Variants in CUL2 observed in about 807,000 individuals in gnomAD.
CUL2 encodes cullin-2.
In CUL2, 22 loss-of-function variants were observed where a neutral mutation model predicts 110.2. The ratio of observed to expected loss-of-function variants is 0.20; its 90% confidence interval spans 0.14 to 0.28. CUL2 has a LOEUF of 0.28. CUL2 is among the 10% of genes least tolerant of loss of function. The pLI, the probability that CUL2 is intolerant of heterozygous loss-of-function variation, is 1.00. For synonymous variants in CUL2, 279 were observed against 293.2 expected, an observed-to-expected ratio of 0.95 and a Z score of 0.49; for missense variants, 631 against 905.5, an observed-to-expected ratio of 0.70 and a Z score of 3.89.
At chr10:35,078,456 G>A (rs963954796) in intron 1 of CUL2, among the ~76,000 whole-genome samples, 29 of 151,888 alleles carry the variant, frequency 1.9e-4, no homozygotes, top group African/African-American at 6.0e-4. Flanking sequence ...CCACCACACC[G>A]GTGTAATTTT....
rs1474774584 is a variant in CUL2, at chr10:35,044,596, T to C, written c.684A>G (p.Gln228=). ...YYKQEASNLL[Q]ESNCSQYMEK... is the part of the protein sequence containing the mutation. Reference sequence around the variant, plus strand: ...CCATATACTGTGAGCAGTTTGATTCTTGTAATAAATTTGAAGCTTCTTGTT... The same window carrying C: ...CCATATACTGTGAGCAGTTTGATTCCTGTAATAAATTTGAAGCTTCTTGTT... The change falls in exon 8 of 21, where the codon CAA becomes CAG. Residue 228 remains glutamine, a synonymous_variant. Transcript: ENST00000374749. The C allele has an allele frequency of 1.9e-6, 3 of 1,608,962 alleles. No homozygotes were observed. Among genetic ancestry groups the C allele is most frequent in the Non-Finnish European group, 1.7e-6 (2 of 1,178,400 alleles).
chr10:35,044,309 C>T (rs2134802527), intron 8 of CUL2, among the ~76,000 whole-genome samples: 1 of 152,028 alleles, frequency 6.6e-6, no homozygotes, highest in East Asian at 1.9e-4. Context: ...ATATTAATTT[C>T]AAGGACAAGT....
intron 15 of CUL2, 47 bp downstream of exon 15, chr10:35,029,441 G>A (rs774275322): frequency 3.4e-5 from 42 of 1,241,040 alleles, no homozygotes; most frequent in Admixed American, 8.1e-5. Flanking sequence ...TTGTATCAAC[G>A]TACTGAAATG....
At chr10:35,079,693 T>C (rs529426442) in intron 1 of CUL2, 2 of 154,918 alleles carry the variant, frequency 1.3e-5, no homozygotes, top group African/African-American at 2.4e-5. Context: ...CAGTAGGTCT[T>C]AGCAATCTCA....
intron 1 of CUL2, chr10:35,120,524 T>TCA (rs2087665471): frequency 6.6e-6 from 1 of 152,204 alleles, no homozygotes; most frequent in South Asian, 2.1e-4. Context: ...TAAGAGGTTG[T>TCA]CAATTTATGA....
In CUL2 at chr10:35,096,391, GGCCAGGAGTTCAAGACCA is replaced by G. The variant is rs543026714; in HGVS notation, c.167+4435_167+4452del. ...AGATGGGGATAGAAGGGTTACTTGA[GGCCAGGAGTTCAAGACCA>G]GCCTGGGCAACAGAGCAAAACCCTG... On this transcript the variant is annotated intron_variant, in intron 2 of 5. Transcript: ENST00000685421. Among the ~76,000 whole-genome samples the G allele has an allele frequency of 8.2e-4, 125 of 152,230 alleles. 2 individuals carry two copies. The highest frequency in any genetic ancestry group is 2.8e-3 in the African/African-American group (117 of 41,536).
At chr10:35,032,934 G>C (rs1247016199) in intron 11 of CUL2, among the ~76,000 whole-genome samples, 1 of 152,056 alleles carries the variant, frequency 6.6e-6, no homozygotes, top group African/African-American at 2.4e-5. Flanking sequence ...GAACATATCA[G>C]ATTAAAAATT....
At chr10:35,113,181 CAAAAAAAAAA>C (rs71660665) in intron 1 of CUL2, among the ~76,000 whole-genome samples, 2 of 36,630 alleles carry the variant, frequency 5.5e-5, no homozygotes, top group East Asian at 2.1e-3. Flanking sequence ...GACTCCATCT[CAAAAAAAAAA>C]AAAAAAAAAA....
At chr10:35,047,852 C>G (rs1046014712) in intron 6 of CUL2, among the ~76,000 whole-genome samples, 1 of 151,814 alleles carries the variant, frequency 6.6e-6, no homozygotes, top group Non-Finnish European at 1.5e-5. Flanking sequence ...CTGCAGTGAG[C>G]TGAAATCATG....
intron 2 of CUL2, chr10:35,099,628 T>C (rs887304078): frequency 6.6e-6 from 1 of 151,832 alleles, no homozygotes; most frequent in African/African-American, 2.4e-5. Flanking sequence ...AAATAAAAAT[T>C]AGCTGTGTGT....
chr10:35,047,446 T>TAA (rs757406258), intron 6 of CUL2, among the ~76,000 whole-genome samples: 20 of 134,502 alleles, frequency 1.5e-4, no homozygotes, highest in African/African-American at 5.2e-4. Flanking sequence ...CCGTCTCCAC[T>TAA]AAAAAAAAAA....
chr10:35,058,380 T>C (rs2086296038), intron 4 of CUL2, among the ~76,000 whole-genome samples: 1 of 152,180 alleles, frequency 6.6e-6, no homozygotes, highest in African/African-American at 2.4e-5. Context: ...CATTTCCTGA[T>C]GACTAACCCG....
At chr10:35,056,568 T>A (rs971732410) in intron 4 of CUL2, among the ~76,000 whole-genome samples, 12 of 151,902 alleles carry the variant, frequency 7.9e-5, no homozygotes, top group African/African-American at 2.9e-4. Flanking sequence ...CCATTCAACA[T>A]CGGCTGAGGG....
intron 6 of CUL2, among the ~76,000 whole-genome samples, chr10:35,046,412 A>G (rs1344592378): frequency 1.3e-5 from 2 of 152,240 alleles, no homozygotes; most frequent in South Asian, 2.1e-4. Context: ...ACATCTACAT[A>G]TGTGTACAAC....
At chr10:35,014,163 C>T (rs1353287251) in intron 18 of CUL2, among the ~76,000 whole-genome samples, 1 of 152,150 alleles carries the variant, frequency 6.6e-6, no homozygotes, top group Non-Finnish European at 1.5e-5. Context: ...ACTTTTCCAT[C>T]ACCCCATTTT....
chr10:35,011,895 T>C lies in CUL2; in HGVS notation c.2059A>G (p.Ile687Val). 1 of 1,614,044 alleles carries C rather than the reference T, an allele frequency of 6.2e-7. No individual in the cohort carries two copies. Among genetic ancestry groups the C allele is most frequent in the South Asian group, 1.1e-5 (1 of 91,082 alleles). The change falls in exon 20 of 21, where the codon ATC becomes GTC. Residue 687 changes from isoleucine to valine, a missense_variant. By Grantham distance (29) the Ile-to-Val change is conservative. Coordinates refer to ENST00000374749, the MANE Select transcript of CUL2 (RefSeq NM_003591.4). Reference sequence around the variant, plus strand: ...CGAAGCACTTTTCGTGCTTTCATGATACGAACTATAGCAGCTTGGAGATAC... The same window carrying C: ...CGAAGCACTTTTCGTGCTTTCATGACACGAACTATAGCAGCTTGGAGATAC... ...KMYLQAAIVR[I>V]MKARKVLRHN... is the part of the protein sequence containing the mutation.
chr10:35,115,347 G>T (rs560401661), intron 1 of CUL2, among the ~76,000 whole-genome samples: 3 of 150,566 alleles, frequency 2.0e-5, no homozygotes, highest in Admixed American at 6.6e-5. Context: ...GGATAGCGAG[G>T]TTAGGAATTC....
intron 16 of CUL2, among the ~76,000 whole-genome samples, chr10:35,026,987 C>T (rs2085351701): frequency 6.6e-6 from 1 of 152,064 alleles, no homozygotes; most frequent in Admixed American, 6.6e-5. Flanking sequence ...CTCCCCCCTC[C>T]TCCCAGACTA....
intron 15 of CUL2, 127 bp downstream of exon 15, chr10:35,029,361 T>C (rs1372267249): frequency 1.5e-5 from 10 of 654,550 alleles, no homozygotes; most frequent in Middle Eastern, 4.3e-4. Flanking sequence ...CCAGCCCAAA[T>C]CAATAGGACT....
Sources: gnomAD v4.1 joint callset for allele counts (sites outside exome capture counted in the v4.1 genomes callset) on GRCh38, gnomAD v4.1.1 for gene constraint, MANE v1.5 for transcripts, NCBI Gene and HGNC (gene_info 2026-07-23, HGNC 2026-07-21) for gene names.